The following LOXHD1 variants were observed in gnomAD, a reference collection of about 807,000 sequenced individuals.
LOXHD1 encodes the protein lipoxygenase homology domain-containing protein 1.
LOXHD1 carries 205 observed loss-of-function variants against 248.2 expected under a neutral mutation model. The ratio of observed to expected loss-of-function variants is 0.83; its 90% CI spans 0.74 to 0.93. The LOEUF is 0.93. LOXHD1 is among the 40% of genes least tolerant of loss of function. The probability of loss-of-function intolerance (pLI) is 0.00; values close to 1 mark genes in which losing one functional copy is unlikely to be tolerated. For synonymous variants in LOXHD1, 1,113 were observed against 1,162.8 expected, an observed-to-expected ratio of 0.96 and a Z score of 0.87; for missense variants, 2,930 against 2,971.6, an observed-to-expected ratio of 0.99 and a Z score of 0.33.
Position 46,550,430 on chromosome 18 carries a change from G to A in LOXHD1, c.3351-3372C>T, listed in dbSNP as rs542646186. Among the ~76,000 whole-genome samples, 19 of 151,330 alleles carry A rather than the reference G, an allele frequency of 1.3e-4. No individual in the cohort carries two copies. The East Asian group carries it at 1.6e-3, about 12-fold the overall frequency. ...CTACTAAAAATACAAAAAATTAGCCGGGCGCGGTGGCGGGCGCCTGTAGTC... is the reference window on the plus strand; with the variant it reads ...CTACTAAAAATACAAAAAATTAGCCAGGCGCGGTGGCGGGCGCCTGTAGTC... On this transcript the variant is annotated intron_variant, in intron 21 of 40. Coordinates refer to ENST00000642948, the MANE Select transcript of LOXHD1 (RefSeq NM_001384474.1).
In LOXHD1 at chr18:46,518,004, C is replaced by T. The variant is rs2035349281; in HGVS notation, c.5399+125G>A. ...GGTACTGAGACAGAATAGACAAAGG[C>T]AGAGGAAGGAAGGCCTCATGGTCTG... On this transcript the variant is annotated intron_variant, in intron 34 of 40. Coordinates refer to ENST00000642948, the MANE Select transcript of LOXHD1 (RefSeq NM_001384474.1). 4.2e-6 allele frequency: 5 copies of T among 1,189,996 alleles called. No individual in the cohort carries two copies. The South Asian group carries it at 6.9e-5, about 16-fold the overall frequency. The allele number at this position is 1,189,996 out of a possible 1,614,324, so 73.7% of individuals were successfully genotyped here.
chr18:46,491,076 A>C (rs2033439080), intron 37 of LOXHD1, among the ~76,000 whole-genome samples: 1 of 152,246 alleles, frequency 6.6e-6, no homozygotes, highest in South Asian at 2.1e-4. Context: ...AAGGCAGAGA[A>C]AAAGGCGACA....
intron 4 of LOXHD1, among the ~76,000 whole-genome samples, chr18:46,627,934 A>G (rs1294421325): frequency 6.6e-6 from 1 of 151,982 alleles, no homozygotes; most frequent in East Asian, 1.9e-4. Context: ...TCCCGTCTAG[A>G]CTCTAAGCTC....
intron 19 of LOXHD1, 35 bp downstream of exon 19, chr18:46,560,048 T>TCCCGGGGCCC: frequency 8.2e-7 from 1 of 1,226,298 alleles, no homozygotes; most frequent in Non-Finnish European, 1.1e-6. Flanking sequence ...GTCTGGCCAC[T>TCCCGGGGCCC]CCCTCCCCAC....
Position 46,524,008 on chromosome 18 carries a change from G to T in LOXHD1, c.4876+458C>A. ...TGGTTAGCAAAAAGAACTTGCCAGGGAACTCTGATATTGTTTTATGGAGGA... is the reference window on the plus strand; with the variant it reads ...TGGTTAGCAAAAAGAACTTGCCAGGTAACTCTGATATTGTTTTATGGAGGA... On this transcript the variant is annotated intron_variant, in intron 31 of 40. Transcript: ENST00000642948. Among the ~76,000 whole-genome samples the T allele has an allele frequency of 1.3e-5, 2 of 152,160 alleles. 1 individual carries two copies. The highest frequency in any genetic ancestry group is 2.9e-5 in the Non-Finnish European group (2 of 68,024).
chr18:46,550,437 G>A (rs1326797179), intron 21 of LOXHD1, among the ~76,000 whole-genome samples: 2 of 151,538 alleles, frequency 1.3e-5, no homozygotes, highest in Non-Finnish European at 2.9e-5. Flanking sequence ...GCCGGGCGCG[G>A]TGGCGGGCGC....
In LOXHD1 at chr18:46,649,172, C is replaced by T; in HGVS notation, c.228G>A (p.Lys76=). Residue 76 remains lysine, a synonymous_variant, in exon 2 of 41, where the codon AAG becomes AAA. Transcript: ENST00000642948. ...TLFGENGLSP[K]LQLTSKSKSA... The stretch of plus-strand genomic sequence containing the variant: ...GTACTCACTTGCTGGTGAGCTGGAG[C>T]TTGGGAGAGAGCCCATTCTCTCCAA... 1 of 1,551,714 alleles carries T rather than the reference C, an allele frequency of 6.4e-7. No homozygotes were observed. Among genetic ancestry groups the T allele is most frequent in the South Asian group, 1.2e-5 (1 of 84,064 alleles).
intron 6 of LOXHD1, among the ~76,000 whole-genome samples, chr18:46,610,246 T>C (rs1033778071): frequency 6.6e-6 from 1 of 152,136 alleles, no homozygotes; most frequent in African/African-American, 2.4e-5. Context: ...TCATGTCTTT[T>C]GCAGGGACAT....
At chr18:46,548,320 AG>A (rs1426501820) in intron 21 of LOXHD1, among the ~76,000 whole-genome samples, 2 of 148,370 alleles carry the variant, frequency 1.3e-5, no homozygotes, top group African/African-American at 5.0e-5. Flanking sequence ...AGGTAGGGGC[AG>A]TGCAGGCCAA....
intron 31 of LOXHD1, among the ~76,000 whole-genome samples, chr18:46,522,731 TGAA>T (rs1371873081): frequency 3.3e-5 from 5 of 152,164 alleles, no homozygotes; most frequent in Admixed American, 1.3e-4. Context: ...AGAAGGAATT[TGAA>T]GAAGAACATA....
chr18:46,618,298 C>A lies in LOXHD1; in HGVS notation c.512-8G>T, dbSNP rs568722867. ...TGACTTCATACTTATTACCTAGGAA[C>A]AAGGAGAGAGAAAAACCTTAGCTCA... On this transcript the variant is annotated splice_region_variant and splice_polypyrimidine_tract_variant and intron_variant, in intron 4 of 40. Transcript: ENST00000642948. 6.5e-6 allele frequency: 10 copies of A among 1,541,448 alleles called. No homozygotes were observed. In the East Asian group the frequency reaches 1.7e-4, roughly 26 times the overall value.
At chr18:46,528,861 GCA>G (rs1394050173) in intron 29 of LOXHD1, among the ~76,000 whole-genome samples, 1 of 152,192 alleles carries the variant, frequency 6.6e-6, no homozygotes. Flanking sequence ...CATGAACCAT[GCA>G]CAGTGAACTG....
intron 35 of LOXHD1, chr18:46,509,455 A>G: frequency 1.9e-6 from 1 of 531,084 alleles, no homozygotes; most frequent in Non-Finnish European, 3.5e-6. Flanking sequence ...CTGTCCACGT[A>G]ACGTTGACAG....
chr18:46,479,302 T>A (rs969671938), intron 40 of LOXHD1, among the ~76,000 whole-genome samples: 1 of 147,308 alleles, frequency 6.8e-6, no homozygotes, highest in Non-Finnish European at 1.5e-5. Flanking sequence ...AAAGAGAAAG[T>A]CCTCTATCGA....
At chr18:46,564,922 T>C (rs2037607236) in intron 17 of LOXHD1, among the ~76,000 whole-genome samples, 1 of 152,152 alleles carries the variant, frequency 6.6e-6, no homozygotes, top group African/African-American at 2.4e-5. Flanking sequence ...TCAGGGAAGC[T>C]GCTGTGGAAG....
intron 37 of LOXHD1, among the ~76,000 whole-genome samples, chr18:46,502,153 G>A (rs2034271300): frequency 6.6e-6 from 1 of 152,208 alleles, no homozygotes; most frequent in Admixed American, 6.5e-5. Flanking sequence ...TTATGTCCAG[G>A]AAACTATGGA....
chr18:46,567,801 G>A (rs538241098), intron 16 of LOXHD1, among the ~76,000 whole-genome samples: 1 of 152,344 alleles, frequency 6.6e-6, no homozygotes, highest in South Asian at 2.1e-4. Flanking sequence ...ACATATGGCA[G>A]GTAAGTGGAA....
Position 46,477,463 on chromosome 18 carries a change from C to T in LOXHD1, c.*9G>A, listed in dbSNP as rs1358714007. ...GGCATCTCAGTGAGAGGGTGGGGGC[C>T]CTAGCCCCTCAGACAGAAGGGAAGA... On this transcript the variant is annotated 3_prime_UTR_variant, in exon 41 of 41. Coordinates refer to ENST00000642948, the MANE Select transcript of LOXHD1 (RefSeq NM_001384474.1). The T allele has an allele frequency of 2.6e-6, 4 of 1,543,118 alleles. No individual in the cohort carries two copies. In the Admixed American group the frequency reaches 5.9e-5, roughly 23 times the overall value.
chr18:46,477,104 A>G, downstream of LOXHD1: 1 of 710,892 alleles, frequency 1.4e-6, no homozygotes, highest in Non-Finnish European at 2.6e-6. Context: ...GAAAAGTGTT[A>G]ATTAGTTTTT....
Sources: gnomAD v4.1 joint callset for allele counts (sites outside exome capture counted in the v4.1 genomes callset) on GRCh38, gnomAD v4.1.1 for gene constraint, MANE v1.5 for transcripts, NCBI Gene and HGNC (gene_info 2026-07-23, HGNC 2026-07-21) for gene names.